Variants in ARHGAP22 observed in about 807,000 individuals in gnomAD.
ARHGAP22 encodes rho GTPase-activating protein 22.
ARHGAP22 carries 48 observed loss-of-function variants against 59.1 expected under a neutral mutation model. That is an observed-to-expected ratio of 0.81 (90% confidence interval 0.64 to 1.03). The LOEUF (loss-of-function observed/expected upper bound fraction) is 1.03, where lower values mean the gene tolerates loss of function less well. Ranked by LOEUF, ARHGAP22 falls within the 50% of genes least tolerant of loss-of-function variation. ARHGAP22 has a pLI of 0.00. For synonymous variants in ARHGAP22, 445 were observed against 416.4 expected (o/e 1.07, Z -0.84); for missense variants, 1,015 against 958.7 (o/e 1.06, Z -0.78).
chr10:48,615,837 G>T (rs1343341558), intron 1 of ARHGAP22, among the ~76,000 whole-genome samples: 1 of 151,716 alleles, frequency 6.6e-6, no homozygotes, highest in Non-Finnish European at 1.5e-5. Flanking sequence ...AGTTGGGAAA[G>T]TACAATAACT....
intron 2 of ARHGAP22, among the ~76,000 whole-genome samples, chr10:48,580,027 T>G (rs2059011733): frequency 6.6e-6 from 1 of 151,634 alleles, no homozygotes; most frequent in Non-Finnish European, 1.5e-5. Flanking sequence ...TTGGGGGAAA[T>G]GGGAAGAAGT....
At position 48,455,153 on chromosome 10, in the gene ARHGAP22, C is replaced by A. The variant is rs1004261740; in HGVS notation, c.660-19G>T. 3.1e-6 allele frequency: 5 copies of A among 1,592,462 alleles called. No homozygotes were observed. The highest frequency in any genetic ancestry group is 1.3e-5 in the African/African-American group (1 of 74,636). On this transcript the variant is annotated intron_variant, in intron 5 of 9. Transcript: ENST00000249601. ...TGTTGTGCTGTGGGGGGGAAGAGGA[C>A]AGGTGTGTGAGGCCTGGGATGCCAG...
At chr10:48,496,719 A>T (rs2050972843) in intron 3 of ARHGAP22, among the ~76,000 whole-genome samples, 1 of 152,082 alleles carries the variant, frequency 6.6e-6, no homozygotes, top group African/African-American at 2.4e-5. Flanking sequence ...CTAGGTAAGG[A>T]AGTCTGTACT....
Position 48,446,299 on chromosome 10 carries a change from C to G in ARHGAP22, c.*92G>C. 7.2e-7 allele frequency: 1 copy of G among 1,394,166 alleles called. No homozygotes were observed. The highest frequency in any genetic ancestry group is 9.9e-7 in the Non-Finnish European group (1 of 1,011,802). The allele number at this position is 1,394,166 out of a possible 1,614,324, so 86.4% of individuals were successfully genotyped here. ...TCTCTCTCTCCAGCTGGCTCCAGAG[C>G]GCCTGGCTGCTCCAGAGATACAGAC... is the stretch of plus-strand genomic sequence containing the variant. On this transcript the variant is annotated 3_prime_UTR_variant, in exon 10 of 10. Coordinates refer to ENST00000249601, the MANE Select transcript of ARHGAP22 (RefSeq NM_021226.4).
intron 4 of ARHGAP22, among the ~76,000 whole-genome samples, chr10:48,475,371 C>T (rs537512573): frequency 6.6e-6 from 1 of 152,288 alleles, no homozygotes; most frequent in South Asian, 2.1e-4. Flanking sequence ...CTGATGGCCC[C>T]CTAAATACTC....
chr10:48,476,550 C>G (rs1230539306), intron 4 of ARHGAP22, among the ~76,000 whole-genome samples: 2 of 152,356 alleles, frequency 1.3e-5, no homozygotes, highest in South Asian at 4.1e-4. Context: ...CCTGCCAGCA[C>G]CATGCATGCC....
intron 1 of ARHGAP22, among the ~76,000 whole-genome samples, chr10:48,632,419 TC>T (rs1012000643): frequency 2.6e-5 from 4 of 152,218 alleles, no homozygotes; most frequent in African/African-American, 9.7e-5. Flanking sequence ...TATTTTTTTT[TC>T]AACAGTTGAA....
intron 3 of ARHGAP22, among the ~76,000 whole-genome samples, chr10:48,532,293 T>C (rs1382284560): frequency 6.6e-6 from 1 of 152,088 alleles, no homozygotes; most frequent in Non-Finnish European, 1.5e-5. Flanking sequence ...TTCTGCCTCT[T>C]GGTGGTGAGG....
chr10:48,613,753 G>A lies in ARHGAP22; in HGVS notation c.53-30601C>T, dbSNP rs1261749350. 3.3e-5 allele frequency among the ~76,000 whole-genome samples: 5 copies of A among 152,098 alleles called. No homozygotes were observed. In the East Asian group the frequency reaches 7.7e-4, roughly 23 times the overall value. ...CAACATCTAAGGATTGTTAGAAGGAGGACGAAAGTTTACTTAAGGAAGTGC... is the reference window on the plus strand; with the variant it reads ...CAACATCTAAGGATTGTTAGAAGGAAGACGAAAGTTTACTTAAGGAAGTGC... On this transcript the variant is annotated intron_variant, in intron 1 of 9. Coordinates refer to the ARHGAP22 transcript ENST00000435790.
intron 3 of ARHGAP22, among the ~76,000 whole-genome samples, chr10:48,552,245 T>C (rs775360991): frequency 1.3e-5 from 2 of 152,268 alleles, no homozygotes; most frequent in African/African-American, 2.4e-5. Context: ...GAGGGACCCA[T>C]TGTGGTGTGA....
chr10:48,565,272 G>A lies in ARHGAP22; in HGVS notation c.235-9722C>T, dbSNP rs577676487. ...CCTCACAGATCTCTGAGAATTAAACGGGATCAAGTGAGCAGAAGGTGTGGA... is the reference window on the plus strand; with the variant it reads ...CCTCACAGATCTCTGAGAATTAAACAGGATCAAGTGAGCAGAAGGTGTGGA... On this transcript the variant is annotated intron_variant, in intron 2 of 9. Coordinates refer to ENST00000249601, the MANE Select transcript of ARHGAP22 (RefSeq NM_021226.4). 9.2e-5 allele frequency among the ~76,000 whole-genome samples: 14 copies of A among 152,268 alleles called. No homozygotes were observed. In the South Asian group the frequency reaches 1.9e-3, roughly 20 times the overall value.
chr10:48,500,117 T>C (rs1257684466), intron 3 of ARHGAP22, among the ~76,000 whole-genome samples: 1 of 152,152 alleles, frequency 6.6e-6, no homozygotes, highest in Non-Finnish European at 1.5e-5. Context: ...GTTGGAAGAC[T>C]GTTTGAGGCT....
chr10:48,629,343 C>T (rs1420778511), intron 1 of ARHGAP22, among the ~76,000 whole-genome samples: 1 of 152,218 alleles, frequency 6.6e-6, no homozygotes, highest in Non-Finnish European at 1.5e-5. Context: ...GCTTCCTGCC[C>T]TCTCCATGGG....
intron 1 of ARHGAP22, among the ~76,000 whole-genome samples, chr10:48,611,760 G>T (rs368974593): frequency 2.0e-5 from 3 of 149,378 alleles, no homozygotes; most frequent in South Asian, 4.3e-4. Context: ...CCACACCCTC[G>T]ATCCCTCCTG....
intron 3 of ARHGAP22, among the ~76,000 whole-genome samples, chr10:48,544,115 T>C (rs2056215381): frequency 6.7e-6 from 1 of 150,356 alleles, no homozygotes; most frequent in Non-Finnish European, 1.5e-5. Context: ...AGAACAAGAC[T>C]CCGTCAAAAA....
chr10:48,633,770 C>T (rs1042700665), intron 1 of ARHGAP22, among the ~76,000 whole-genome samples: 2 of 152,184 alleles, frequency 1.3e-5, no homozygotes, highest in East Asian at 1.9e-4. Context: ...TGTTGACATC[C>T]ATCTGCAGAA....
At chr10:48,629,053 G>T (rs1476017704) in intron 1 of ARHGAP22, among the ~76,000 whole-genome samples, 1 of 152,190 alleles carries the variant, frequency 6.6e-6, no homozygotes, top group Non-Finnish European at 1.5e-5. Context: ...CCTGGAATGG[G>T]CTCTGTTGTG....
upstream of ARHGAP22, among the ~76,000 whole-genome samples, chr10:48,608,207 C>T (rs184601953): frequency 6.1e-4 from 93 of 152,278 alleles, no homozygotes; most frequent in Middle Eastern, 3.4e-3. Flanking sequence ...GGCACATCTG[C>T]GAATAAATCT....
intron 2 of ARHGAP22, among the ~76,000 whole-genome samples, chr10:48,566,234 T>C (rs2135438178): frequency 6.6e-6 from 1 of 152,304 alleles, no homozygotes; most frequent in South Asian, 2.1e-4. Flanking sequence ...AAGCAATCGC[T>C]CAGGGTTCCC....
Sources: allele counts gnomAD v4.1 joint callset (sites outside exome capture counted in the v4.1 genomes callset), GRCh38; gene constraint gnomAD v4.1.1; transcripts MANE v1.5; gene names NCBI Gene and HGNC (gene_info 2026-07-23, HGNC 2026-07-21).